Variants in TMEM245 observed in about 807,000 individuals in gnomAD.
TMEM245 encodes protein CG-2.
TMEM245 carries 69 observed loss-of-function variants against 101.2 expected under a neutral mutation model. The ratio of observed to expected loss-of-function variants is 0.68; its 90% CI spans 0.56 to 0.83. The LOEUF is 0.83. Among genes scored for constraint, TMEM245 ranks in the 40% least tolerant of loss-of-function variants. The pLI, the probability that TMEM245 is intolerant of heterozygous loss-of-function variation, is 0.00. For missense variants in TMEM245, 1,075 were observed against 1,092.8 expected (o/e 0.98, Z 0.23); for synonymous variants, 537 against 449.8 (o/e 1.19, Z -2.45).
At chr9:109,102,875 G>A (rs1252725069) in intron 3 of TMEM245, among the ~76,000 whole-genome samples, 2 of 152,222 alleles carry the variant, frequency 1.3e-5, no homozygotes, top group Non-Finnish European at 2.9e-5. Context: ...GAAGCTTTGT[G>A]TTCAGATTTA....
At chr9:109,070,744 C>A (rs1829307216) in intron 9 of TMEM245, among the ~76,000 whole-genome samples, 1 of 152,162 alleles carries the variant, frequency 6.6e-6, no homozygotes, top group Non-Finnish European at 1.5e-5. Flanking sequence ...TGTATGTCCT[C>A]CCTAGAGCTC....
At chr9:109,024,074 T>C (rs1481436544) in intron 17 of TMEM245, among the ~76,000 whole-genome samples, 2 of 152,174 alleles carry the variant, frequency 1.3e-5, no homozygotes, top group African/African-American at 2.4e-5. Flanking sequence ...CATGTAAATA[T>C]GTAAATCATT....
At chr9:109,102,630 A>G (rs944168963) in intron 3 of TMEM245, among the ~76,000 whole-genome samples, 2 of 152,264 alleles carry the variant, frequency 1.3e-5, no homozygotes, top group Non-Finnish European at 2.9e-5. Context: ...GTGTTTTTAA[A>G]AGCCTAAAGG....
Position 109,027,560 on chromosome 9 carries a change from C to T in TMEM245, c.2594+5747G>A, listed in dbSNP as rs540769767. Among the ~76,000 whole-genome samples the T allele has an allele frequency of 3.9e-5, 6 of 152,228 alleles. No homozygotes were observed. The South Asian group carries it at 1.2e-3, about 32-fold the overall frequency. On this transcript the variant is annotated intron_variant, in intron 17 of 17. Coordinates refer to ENST00000374586, the MANE Select transcript of TMEM245 (RefSeq NM_032012.4). The stretch of plus-strand genomic sequence containing the variant: ...AGAAGCTCTTTCTTTGAGGAATATA[C>T]AAGCCCAAAAAGGGGACCAAAATCA...
chr9:109,089,796 T>A (rs184144138), intron 5 of TMEM245, among the ~76,000 whole-genome samples: 3 of 152,240 alleles, frequency 2.0e-5, no homozygotes, highest in African/African-American at 7.2e-5. Context: ...TAATGGATTA[T>A]GGAAAACTAT....
At chr9:109,113,480 T>C (rs530543202) in intron 1 of TMEM245, among the ~76,000 whole-genome samples, 36 of 152,344 alleles carry the variant, frequency 2.4e-4, no homozygotes, top group African/African-American at 8.4e-4. Context: ...TTTCAAAATA[T>C]ACATTCCATA....
At position 109,067,381 on chromosome 9, in the gene TMEM245, A is replaced by G. The variant is rs548498690; in HGVS notation, c.1533-2814T>C. Among the ~76,000 whole-genome samples the G allele has an allele frequency of 4.6e-5, 7 of 152,178 alleles. No homozygotes were observed. The East Asian group carries it at 1.4e-3, about 29-fold the overall frequency. On this transcript the variant is annotated intron_variant, in intron 9 of 17. Coordinates refer to ENST00000374586, the MANE Select transcript of TMEM245 (RefSeq NM_032012.4). ...CCTTGGAGATTCACTGCCTCAGCCT[A>G]TCACTAACTCCCCTACTCACTCAAG... is the stretch of plus-strand genomic sequence containing the variant.
At chr9:109,049,820 G>T (rs1044924043) in intron 14 of TMEM245, among the ~76,000 whole-genome samples, 12 of 152,012 alleles carry the variant, frequency 7.9e-5, no homozygotes, top group Non-Finnish European at 1.6e-4. Flanking sequence ...AAAGAAACAG[G>T]ATCTTGCTCT....
At chr9:109,040,945 T>C (rs552506368) in intron 14 of TMEM245, among the ~76,000 whole-genome samples, 7 of 152,332 alleles carry the variant, frequency 4.6e-5, no homozygotes, top group African/African-American at 1.7e-4. Context: ...ATTTCTCGTC[T>C]GTAAATACCT....
chr9:109,029,277 T>C (rs896051992), intron 17 of TMEM245, among the ~76,000 whole-genome samples: 2 of 151,982 alleles, frequency 1.3e-5, no homozygotes, highest in African/African-American at 4.8e-5. Context: ...GAAAAGGAAA[T>C]CATGAAACAA....
chr9:109,072,346 T>G (rs1230298905), intron 9 of TMEM245, among the ~76,000 whole-genome samples: 1 of 152,236 alleles, frequency 6.6e-6, no homozygotes, highest in South Asian at 2.1e-4. Flanking sequence ...ATATGCTGTT[T>G]GAGCACAAAG....
intron 17 of TMEM245, among the ~76,000 whole-genome samples, chr9:109,028,701 G>T (rs774671536): frequency 6.6e-6 from 1 of 152,074 alleles, no homozygotes; most frequent in Non-Finnish European, 1.5e-5. Flanking sequence ...AAGTCTAGGG[G>T]TCAGAGACCA....
chr9:109,018,599 G>A lies in TMEM245; in HGVS notation c.*1861C>T, dbSNP rs1022892449. ...CTTTTCTAAATGAAATTTTTCTTAA[G>A]TAGTGTAAGAATAAATTTAAACTAA... On this transcript the variant is annotated 3_prime_UTR_variant, in exon 18 of 18. Transcript: ENST00000374586. 3.3e-5 allele frequency: 5 copies of A among 152,158 alleles called. No homozygotes were observed. Among genetic ancestry groups the A allele is most frequent in the African/African-American group, 1.2e-4 (5 of 41,434 alleles). 9.4% of individuals were successfully genotyped at this position (152,158 alleles called of 1,614,324 possible).
chr9:109,031,243 C>T (rs1221427713), intron 17 of TMEM245, among the ~76,000 whole-genome samples: 2 of 152,246 alleles, frequency 1.3e-5, no homozygotes, highest in South Asian at 2.1e-4. Flanking sequence ...AAGTACTGTG[C>T]GCATGTCCAC....
chr9:109,073,853 T>G (rs540512521), intron 8 of TMEM245, among the ~76,000 whole-genome samples: 1,523 of 133,598 alleles, frequency 0.011, 11 homozygotes, highest in Non-Finnish European at 0.014. Context: ...ACTTTTTTTT[T>G]TTGTTTTTTT....
At chr9:109,067,121 A>G (rs1291178481) in intron 9 of TMEM245, among the ~76,000 whole-genome samples, 2 of 152,142 alleles carry the variant, frequency 1.3e-5, no homozygotes, top group African/African-American at 2.4e-5. Flanking sequence ...AATGATTCAC[A>G]AATGTCTATT....
At chr9:109,067,792 G>A (rs1829213468) in intron 9 of TMEM245, among the ~76,000 whole-genome samples, 1 of 152,106 alleles carries the variant, frequency 6.6e-6, no homozygotes, top group Non-Finnish European at 1.5e-5. Context: ...GGCACATCCA[G>A]CAGAAGTCAA....
rs78861634 is a variant in TMEM245 at position 109,083,929 on chromosome 9, A to C, written c.1344+2068T>G. 5.7e-5 allele frequency among the ~76,000 whole-genome samples: 8 copies of C among 140,320 alleles called. No individual in the cohort carries two copies. The East Asian group carries it at 9.2e-4, about 16-fold the overall frequency. The allele number at this position is 140,320 out of a possible 152,430, so 92.1% of individuals were successfully genotyped here. A position where few individuals can be genotyped will look rare whatever the true frequency, so the allele number is the denominator to read the frequency against. On this transcript the variant is annotated intron_variant, in intron 7 of 17. Transcript: ENST00000374586. ...AAAAAAAAAAAAAAAAAAAAAAAAA[A>C]CACCAGGCATGGTGGTGCACACCTG...
In TMEM245 at chr9:109,091,111, G is replaced by A. The variant is rs765388221; in HGVS notation, c.961C>T (p.Pro321Ser). 1.2e-6 allele frequency: 2 copies of A among 1,614,150 alleles called. No homozygotes were observed. The highest frequency in any genetic ancestry group is 1.7e-6 in the Non-Finnish European group (2 of 1,180,036). Reference sequence around the variant, plus strand: ...GTGGGTGAAGGGGAGGAGGGTGAAGGGGAGGTGGACAACGTTGGAGCGGAT... The same window carrying A: ...GTGGGTGAAGGGGAGGAGGGTGAAGAGGAGGTGGACAACGTTGGAGCGGAT... ...GESAPTLSTSPSPSSPSPTSP... is the reference protein window; with the variant it reads ...GESAPTLSTSSSPSSPSPTSP... Residue 321 changes from proline (P) to serine (S), a missense_variant, in exon 5 of 18, where the codon CCT (proline) becomes TCT (serine). This residue lies in a region of TMEM245 where 808 missense variants were observed against 741.5 expected (regional missense o/e 1.09). Coordinates refer to ENST00000374586, the MANE Select transcript of TMEM245 (RefSeq NM_032012.4).
Sources: allele counts gnomAD v4.1 joint callset (sites outside exome capture counted in the v4.1 genomes callset), GRCh38; gene constraint gnomAD v4.1.1; regional missense constraint gnomAD v4.1.1; transcripts MANE v1.5; gene names NCBI Gene and HGNC (gene_info 2026-07-23, HGNC 2026-07-21).